The following THSD7B variants were observed in gnomAD, a reference collection of about 807,000 sequenced individuals.
The protein encoded by THSD7B is thrombospondin type-1 domain-containing protein 7B.
Under a neutral mutation model 213.6 loss-of-function variants are expected in THSD7B, and 138 were observed. The observed-to-expected ratio is 0.65, with a 90% CI of 0.56 to 0.74. The LOEUF is 0.74. Ranked by LOEUF, THSD7B falls within the 30% of genes least tolerant of loss-of-function variation. The probability of loss-of-function intolerance (pLI) is 0.00; values close to 1 mark genes in which losing one functional copy is unlikely to be tolerated. For missense variants in THSD7B, 1,931 were observed against 1,991.5 expected (o/e 0.97, Z 0.58); for synonymous variants, 742 against 687.0 (o/e 1.08, Z -1.25).
At chr2:137,625,642 C>T (rs961860562) in intron 20 of THSD7B, among the ~76,000 whole-genome samples, 3 of 152,194 alleles carry the variant, frequency 2.0e-5, no homozygotes, top group African/African-American at 7.2e-5. Context: ...CCTTGGGCAA[C>T]CCCACCTCTA....
intron 12 of THSD7B, among the ~76,000 whole-genome samples, chr2:137,284,400 T>G (rs1487130078): frequency 6.6e-6 from 1 of 152,176 alleles, no homozygotes; most frequent in East Asian, 1.9e-4. Flanking sequence ...TCTATTTCCT[T>G]CAGTTCTGCT....
intron 3 of THSD7B, among the ~76,000 whole-genome samples, chr2:137,070,944 T>G (rs1687473549): frequency 6.6e-6 from 1 of 152,228 alleles, no homozygotes; most frequent in South Asian, 2.1e-4. Context: ...TGCCACATTT[T>G]CTTAATCCAA....
chr2:137,211,344 A>ACACACACACACAGAGG (rs1553479484), intron 7 of THSD7B, among the ~76,000 whole-genome samples: 2 of 119,450 alleles, frequency 1.7e-5, no homozygotes, highest in African/African-American at 5.6e-5. Context: ...ACACACACAC[A>ACACACACACACAGAGG]CACACACACA....
chr2:137,473,158 T>C (rs1688124878), intron 15 of THSD7B, among the ~76,000 whole-genome samples: 1 of 151,438 alleles, frequency 6.6e-6, no homozygotes, highest in Admixed American at 6.6e-5. Flanking sequence ...AATAAGCAAG[T>C]CTTTATAACC....
At chr2:136,924,588 G>A (rs555067992) in intron 2 of THSD7B, among the ~76,000 whole-genome samples, 5 of 151,762 alleles carry the variant, frequency 3.3e-5, no homozygotes, top group Admixed American at 6.6e-5. Flanking sequence ...CTGTACCTTT[G>A]TAGTATGTTT....
rs1573611118 is a variant in THSD7B at position 137,412,623 on chromosome 2, A to AAAAAAC, written c.2959+755_2959+756insACAAAA. On this transcript the variant is annotated intron_variant, in intron 14 of 27. Coordinates refer to ENST00000409968, the MANE Select transcript of THSD7B (RefSeq NM_001316349.2). Reference sequence around the variant, plus strand: ...AAAAAAAAAAAAACAAAAAAAAACAAAAAACAGTTTTACTATATAAAGTAT... The same window carrying AAAAAAC: ...AAAAAAAAAAAAACAAAAAAAAACAAAAAAACAAAACAGTTTTACTATATAAAGTAT... Among the ~76,000 whole-genome samples, 107 of 126,276 alleles carry AAAAAAC rather than the reference A, an allele frequency of 8.5e-4. 1 individual carries two copies. Among genetic ancestry groups the AAAAAAC allele is most frequent in the South Asian group, 1.2e-3 (4 of 3,326 alleles). The allele number at this position is 126,276 out of a possible 152,430, so 82.8% of individuals were successfully genotyped here.
intron 12 of THSD7B, among the ~76,000 whole-genome samples, chr2:137,382,353 G>T (rs1325449330): frequency 1.3e-5 from 2 of 152,234 alleles, no homozygotes; most frequent in Non-Finnish European, 2.9e-5. Flanking sequence ...AGCCAAGGGG[G>T]CTATTCAGTA....
chr2:137,102,052 C>T (rs962281500), intron 4 of THSD7B, among the ~76,000 whole-genome samples: 4 of 152,244 alleles, frequency 2.6e-5, no homozygotes, highest in South Asian at 4.1e-4. Context: ...AAGGGACAGA[C>T]TGTCTCCTCA....
chr2:137,160,315 C>T lies in THSD7B; in HGVS notation c.1472C>T (p.Ser491Leu), dbSNP rs1047471973. The change falls in exon 6 of 28, where the codon TCA (serine) becomes TTA (leucine). Residue 491 changes from serine (S) to leucine (L), a missense_variant. Ser to Leu is a moderately radical substitution (Grantham distance 145). Transcript: ENST00000409968. ...CSTDCIVSSW[S>L]AWGLCIHENC... ...ACGGACTGCATAGTATCTTCCTGGT[C>T]AGCCTGGGGCCTGTGCATCCATGAA... The T allele has an allele frequency of 6.2e-7, 1 of 1,613,640 alleles. No individual in the cohort carries two copies. Among genetic ancestry groups the T allele is most frequent in the Admixed American group, 1.7e-5 (1 of 59,974 alleles).
At chr2:136,920,656 G>A (rs1280664940) in intron 2 of THSD7B, among the ~76,000 whole-genome samples, 1 of 152,144 alleles carries the variant, frequency 6.6e-6, no homozygotes, top group African/African-American at 2.4e-5. Context: ...TGAAGGAGGG[G>A]TTTCACTGGT....
chr2:137,596,420 G>A (rs1162830225), intron 17 of THSD7B, among the ~76,000 whole-genome samples: 1 of 151,880 alleles, frequency 6.6e-6, no homozygotes, highest in African/African-American at 2.4e-5. Flanking sequence ...TCTTTATTTG[G>A]CTGTGTTCAA....
At chr2:137,290,898 A>G (rs951405959) in intron 12 of THSD7B, among the ~76,000 whole-genome samples, 1 of 152,114 alleles carries the variant, frequency 6.6e-6, no homozygotes, top group African/African-American at 2.4e-5. Flanking sequence ...TATCCACCTG[A>G]GAATTGTAGT....
chr2:137,049,402 G>A (rs188464400), intron 2 of THSD7B, among the ~76,000 whole-genome samples: 201 of 152,328 alleles, frequency 1.3e-3, no homozygotes, highest in Middle Eastern at 3.4e-3. Flanking sequence ...ACTGGAGAGG[G>A]CACCTGAGCT....
chr2:137,103,261 G>C (rs1247523856), intron 4 of THSD7B, among the ~76,000 whole-genome samples: 1 of 152,154 alleles, frequency 6.6e-6, no homozygotes, highest in Non-Finnish European at 1.5e-5. Flanking sequence ...TTTCAAGCCA[G>C]AATTTCATAT....
intron 12 of THSD7B, among the ~76,000 whole-genome samples, chr2:137,364,541 CA>C (rs1277493571): frequency 6.6e-6 from 1 of 152,174 alleles, no homozygotes; most frequent in African/African-American, 2.4e-5. Flanking sequence ...GCAAGTTCAG[CA>C]AAGTCTCAGG....
chr2:137,211,331 T>TAA (rs1553479442), intron 7 of THSD7B, among the ~76,000 whole-genome samples: 2 of 6,274 alleles, frequency 3.2e-4, no homozygotes. Flanking sequence ...CTATCCTTCC[T>TAA]ACACACACAC....
chr2:137,509,162 C>G (rs767175288), intron 15 of THSD7B, among the ~76,000 whole-genome samples: 3 of 152,168 alleles, frequency 2.0e-5, no homozygotes, highest in Non-Finnish European at 2.9e-5. Flanking sequence ...CAGGAGTCCA[C>G]CAAATATATT....
At chr2:136,983,371 G>A (rs6430673) in intron 2 of THSD7B, among the ~76,000 whole-genome samples, 80,628 of 140,556 alleles carry the variant, frequency 0.57, 25,760 homozygotes, top group East Asian at 0.95. Context: ...ACACACACAC[G>A]CACACACACT....
chr2:137,090,304 AT>A (rs1687927390), intron 3 of THSD7B, among the ~76,000 whole-genome samples: 1 of 152,064 alleles, frequency 6.6e-6, no homozygotes, highest in Admixed American at 6.6e-5. Context: ...TTTCACCAGT[AT>A]TTGTAATTTT....
Sources: allele counts gnomAD v4.1 joint callset (sites outside exome capture counted in the v4.1 genomes callset), GRCh38; gene constraint gnomAD v4.1.1; transcripts MANE v1.5; gene names NCBI Gene and HGNC (gene_info 2026-07-23, HGNC 2026-07-21).